Variants in CDK14 observed in about 807,000 individuals in gnomAD.
CDK14 encodes cyclin-dependent kinase 14.
A neutral mutation model predicts 60.7 loss-of-function variants in CDK14; 34 were observed. That is an observed-to-expected ratio of 0.56 (90% CI 0.43 to 0.75). The LOEUF is 0.75. Ranked by LOEUF, CDK14 falls within the 30% of genes least tolerant of loss-of-function variation. CDK14 has a pLI of 0.00. For synonymous variants in CDK14, 197 were observed against 203.7 expected, an observed-to-expected ratio of 0.97 and a Z score of 0.28; for missense variants, 482 against 564.1, an observed-to-expected ratio of 0.85 and a Z score of 1.47.
At chr7:91,201,183 T>C (rs1279123701) in intron 14 of CDK14, among the ~76,000 whole-genome samples, 1 of 152,206 alleles carries the variant, frequency 6.6e-6, no homozygotes, top group Non-Finnish European at 1.5e-5. Context: ...TTTGATCAAA[T>C]TATAATTATT....
intron 10 of CDK14, among the ~76,000 whole-genome samples, chr7:91,011,864 A>G (rs544817326): frequency 8.8e-4 from 134 of 151,634 alleles, no homozygotes; most frequent in Non-Finnish European, 1.4e-3. Flanking sequence ...TGGAATACCT[A>G]TGTAATTTTC....
intron 10 of CDK14, among the ~76,000 whole-genome samples, chr7:91,039,904 C>G (rs1797041355): frequency 6.6e-6 from 1 of 152,040 alleles, no homozygotes; most frequent in Non-Finnish European, 1.5e-5. Flanking sequence ...CTGGGCAACA[C>G]AGTGGGACCC....
chr7:90,807,352 A>T (rs1358200897), intron 5 of CDK14, among the ~76,000 whole-genome samples: 1 of 152,190 alleles, frequency 6.6e-6, no homozygotes. Context: ...TACCCAGGCA[A>T]ACAGGTCTGG....
At chr7:90,953,808 T>C (rs977173238) in intron 8 of CDK14, among the ~76,000 whole-genome samples, 5 of 152,194 alleles carry the variant, frequency 3.3e-5, no homozygotes, top group African/African-American at 1.2e-4. Context: ...TCAGGACTTG[T>C]GCCTGGCTCT....
chr7:90,986,601 T>A (rs1202158659), intron 10 of CDK14, among the ~76,000 whole-genome samples: 1 of 152,020 alleles, frequency 6.6e-6, no homozygotes, highest in Non-Finnish European at 1.5e-5. Context: ...ATTCAATTAT[T>A]TTAAATAACT....
intron 5 of CDK14, among the ~76,000 whole-genome samples, chr7:90,819,501 A>G (rs1398158793): frequency 6.6e-6 from 1 of 150,908 alleles, no homozygotes; most frequent in Non-Finnish European, 1.5e-5. Flanking sequence ...TTTTTTTTAA[A>G]TTTCATGGAA....
chr7:90,664,521 A>G (rs1263266295), intron 2 of CDK14, among the ~76,000 whole-genome samples: 1 of 152,204 alleles, frequency 6.6e-6, no homozygotes, highest in Non-Finnish European at 1.5e-5. Flanking sequence ...TCACAATAGC[A>G]AAGACTTGGA....
At chr7:90,994,048 G>A (rs1306354497) in intron 10 of CDK14, among the ~76,000 whole-genome samples, 1 of 152,090 alleles carries the variant, frequency 6.6e-6, no homozygotes, top group African/African-American at 2.4e-5. Context: ...CTTCCTGGTT[G>A]TTCTGGTTAT....
chr7:91,202,934 G>T lies in CDK14; in HGVS notation c.*29-4231G>T, dbSNP rs10271718. ...TTTATGCCCTAGGTTAGGTACATGT[G>T]ATTCTCCTAGAGATTACACTCAAAG... is the stretch of plus-strand genomic sequence containing the variant. On this transcript the variant is annotated intron_variant, in intron 14 of 14. Coordinates refer to ENST00000380050, the MANE Select transcript of CDK14 (RefSeq NM_001287135.2). Among the ~76,000 whole-genome samples the T allele has an allele frequency of 2.5e-3, 388 of 152,272 alleles. 1 individual carries two copies. The highest frequency in any genetic ancestry group is 8.8e-3 in the African/African-American group (367 of 41,554).
rs1378950654 is a variant in CDK14 at position 91,209,829 on chromosome 7, T to C, written c.*2693T>C. 1 of 152,630 alleles carries C rather than the reference T, an allele frequency of 6.6e-6. No homozygotes were observed. Among genetic ancestry groups the C allele is most frequent in the African/African-American group, 2.4e-5 (1 of 41,460 alleles). The allele number at this position is 152,630 out of a possible 1,614,324, so 9.5% of individuals were successfully genotyped here. Reference sequence around the variant, plus strand: ...AATAGGGTACATAAAGCAGGGTGGCTGTCCATCCACTGATTCTGGGGTGAG... The same window carrying C: ...AATAGGGTACATAAAGCAGGGTGGCCGTCCATCCACTGATTCTGGGGTGAG... On this transcript the variant is annotated 3_prime_UTR_variant, in exon 15 of 15. Coordinates refer to ENST00000380050, the MANE Select transcript of CDK14 (RefSeq NM_001287135.2).
intron 10 of CDK14, among the ~76,000 whole-genome samples, chr7:90,990,252 T>TC (rs1795491942): frequency 6.6e-6 from 1 of 152,154 alleles, no homozygotes; most frequent in African/African-American, 2.4e-5. Flanking sequence ...CACTCCAGCC[T>TC]GCGTGACAGA....
Position 90,632,445 on chromosome 7 carries a change from A to G in CDK14, c.123+28196A>G, listed in dbSNP as rs190069708. On this transcript the variant is annotated intron_variant, in intron 2 of 14. Transcript: ENST00000380050. ...TGGTTATCATGGGTGTGGCGCTGCA[A>G]GATGCCAACCTATATGGTTACATCA... 10 of 217,782 alleles carry G rather than the reference A, an allele frequency of 4.6e-5. No homozygotes were observed. In the East Asian group the frequency reaches 1.2e-3, roughly 27 times the overall value. The allele number at this position is 217,782 out of a possible 1,614,324, so 13.5% of individuals were successfully genotyped here. A position where few individuals can be genotyped will look rare whatever the true frequency, so the allele number is the denominator to read the frequency against.
chr7:90,607,718 T>C (rs2116330527), intron 2 of CDK14, among the ~76,000 whole-genome samples: 1 of 152,242 alleles, frequency 6.6e-6, no homozygotes, highest in African/African-American at 2.4e-5. Context: ...AAGCAAACAA[T>C]AGGAATTTTG....
At chr7:90,809,703 C>T (rs942763621) in intron 5 of CDK14, among the ~76,000 whole-genome samples, 2 of 151,938 alleles carry the variant, frequency 1.3e-5, no homozygotes, top group African/African-American at 4.8e-5. Context: ...AAAAGATCAA[C>T]AAAATTGATA....
At chr7:90,639,359 A>G (rs1307661038) in intron 2 of CDK14, among the ~76,000 whole-genome samples, 1 of 152,058 alleles carries the variant, frequency 6.6e-6, no homozygotes, top group Non-Finnish European at 1.5e-5. Context: ...CAGGACCCTC[A>G]GCTGCAGGTC....
intron 3 of CDK14, among the ~76,000 whole-genome samples, chr7:90,736,172 G>C (rs1030310324): frequency 2.0e-5 from 3 of 151,908 alleles, no homozygotes; most frequent in African/African-American, 7.3e-5. Flanking sequence ...ACCAGTCCCA[G>C]TGAGATGAAC....
At chr7:90,709,462 G>C in intron 2 of CDK14, 1 of 1,569,894 alleles carries the variant, frequency 6.4e-7, no homozygotes, top group South Asian at 1.2e-5. Flanking sequence ...CTCCCATTCT[G>C]TATTCTTCTG....
chr7:90,729,252 T>C (rs901043136), intron 3 of CDK14, among the ~76,000 whole-genome samples: 5 of 151,862 alleles, frequency 3.3e-5, no homozygotes, highest in African/African-American at 9.7e-5. Flanking sequence ...AACTTGAACT[T>C]CAGCTTCCAG....
chr7:90,974,778 A>T (rs1455250282), intron 9 of CDK14, among the ~76,000 whole-genome samples: 2 of 152,112 alleles, frequency 1.3e-5, no homozygotes, highest in African/African-American at 2.4e-5. Context: ...TTTATTATGC[A>T]TGCTGATGGA....
Sources: gnomAD v4.1 joint callset for allele counts (sites outside exome capture counted in the v4.1 genomes callset) on GRCh38, gnomAD v4.1.1 for gene constraint, MANE v1.5 for transcripts, NCBI Gene and HGNC (gene_info 2026-07-23, HGNC 2026-07-21) for gene names.